XKR4: variants seen among roughly 807,000 people sequenced by gnomAD.
The protein encoded by XKR4 is XK-related protein 4.
XKR4 carries 12 observed loss-of-function variants against 53.9 expected under a neutral mutation model. That is an observed-to-expected ratio of 0.22 (90% confidence interval 0.14 to 0.36). The LOEUF (loss-of-function observed/expected upper bound fraction) is 0.36. XKR4 is among the 10% of genes least tolerant of loss of function. The pLI is 1.00. For synonymous variants in XKR4, 354 were observed against 362.4 expected (o/e 0.98, Z 0.26); for missense variants, 799 against 859.5 (o/e 0.93, Z 0.88).
chr8:55,113,651 G>A (rs980150725), intron 1 of XKR4, among the ~76,000 whole-genome samples: 1 of 152,142 alleles, frequency 6.6e-6, no homozygotes, highest in Non-Finnish European at 1.5e-5. Flanking sequence ...GGTGAAGTCT[G>A]GGCTTTTAGT....
chr8:55,299,416 G>A (rs1368489991), intron 1 of XKR4, among the ~76,000 whole-genome samples: 1 of 152,202 alleles, frequency 6.6e-6, no homozygotes, highest in Non-Finnish European at 1.5e-5. Flanking sequence ...AGGCAGGCCA[G>A]CCAGGGTCAG....
intron 2 of XKR4, among the ~76,000 whole-genome samples, chr8:55,456,222 G>A (rs1371070389): frequency 6.6e-6 from 1 of 152,070 alleles, no homozygotes; most frequent in African/African-American, 2.4e-5. Context: ...ACCTGAGGTA[G>A]GGATTTCGAG....
intron 2 of XKR4, among the ~76,000 whole-genome samples, chr8:55,384,249 G>C (rs1168153048): frequency 1.3e-5 from 2 of 152,210 alleles, no homozygotes; most frequent in Non-Finnish European, 2.9e-5. Flanking sequence ...GTTGGAGTCG[G>C]GTCTTCCTTC....
intron 1 of XKR4, among the ~76,000 whole-genome samples, chr8:55,318,502 C>T (rs1273881335): frequency 9.2e-5 from 14 of 152,112 alleles, no homozygotes; most frequent in Non-Finnish European, 5.9e-5. Context: ...CAAACTCGAC[C>T]AAACCAAAGT....
chr8:55,391,300 T>G (rs1193944127), intron 2 of XKR4, among the ~76,000 whole-genome samples: 4 of 152,154 alleles, frequency 2.6e-5, no homozygotes, highest in African/African-American at 7.2e-5. Flanking sequence ...TGAAGTGATA[T>G]TTACACAAGT....
intron 2 of XKR4, among the ~76,000 whole-genome samples, chr8:55,477,549 G>A (rs1390543269): frequency 2.0e-5 from 3 of 152,180 alleles, no homozygotes; most frequent in African/African-American, 7.2e-5. Context: ...GAACAAAGCT[G>A]GACGGAGAAT....
rs1457328974 is a variant in XKR4, at chr8:55,536,511, T to C, written c.*12284T>C. ...AGTGGTAAATTTGGTCTTCATGATA[T>C]CAAACATACGGATATTTGGAAAAGT... On this transcript the variant is annotated 3_prime_UTR_variant, in exon 3 of 3. Transcript: ENST00000327381. 1 of 152,224 alleles carries C rather than the reference T, an allele frequency of 6.6e-6. No individual in the cohort carries two copies. Among genetic ancestry groups the C allele is most frequent in the African/African-American group, 2.4e-5 (1 of 41,458 alleles). 9.4% of individuals were successfully genotyped at this position (152,224 alleles called of 1,614,324 possible). A position where few individuals can be genotyped will look rare whatever the true frequency, so the allele number is the denominator to read the frequency against.
At position 55,337,034 on chromosome 8, in the gene XKR4, C is replaced by T. The variant is rs556572650; in HGVS notation, c.807-20644C>T. On this transcript the variant is annotated intron_variant, in intron 1 of 2. Coordinates refer to ENST00000327381, the MANE Select transcript of XKR4 (RefSeq NM_052898.2). ...TTAGGAATACTTACTTTAAATATTA[C>T]GCTTTATATTTGGGTCTGAAACATT... Among the ~76,000 whole-genome samples the T allele has an allele frequency of 8.5e-5, 13 of 152,212 alleles. 1 individual carries two copies. The South Asian group carries it at 1.7e-3, about 19-fold the overall frequency.
At chr8:55,478,793 G>A (rs1417650933) in intron 2 of XKR4, among the ~76,000 whole-genome samples, 4 of 152,074 alleles carry the variant, frequency 2.6e-5, no homozygotes, top group African/African-American at 7.3e-5. Flanking sequence ...GAGATCAAAA[G>A]AGACAAAGAA....
chr8:55,452,936 C>G (rs1016140996), intron 2 of XKR4: 9 of 787,832 alleles, frequency 1.1e-5, no homozygotes, highest in Non-Finnish European at 2.0e-5. Context: ...TGCTCTCCTC[C>G]TTCTGCATCA....
At chr8:55,114,117 A>T (rs911152103) in intron 1 of XKR4, among the ~76,000 whole-genome samples, 1 of 152,120 alleles carries the variant, frequency 6.6e-6, no homozygotes, top group Non-Finnish European at 1.5e-5. Context: ...ATCAAATGGT[A>T]GTTCTATTTT....
intron 1 of XKR4, among the ~76,000 whole-genome samples, chr8:55,143,080 C>A (rs1022078460): frequency 6.6e-6 from 1 of 152,168 alleles, no homozygotes; most frequent in Non-Finnish European, 1.5e-5. Flanking sequence ...GAGACACATT[C>A]CTGTTGTACG....
At chr8:55,155,753 G>A (rs1291456404) in intron 1 of XKR4, among the ~76,000 whole-genome samples, 1 of 152,052 alleles carries the variant, frequency 6.6e-6, no homozygotes, top group Non-Finnish European at 1.5e-5. Context: ...AGAATATCGG[G>A]GACAAAGACT....
intron 1 of XKR4, among the ~76,000 whole-genome samples, chr8:55,356,602 A>G (rs991250227): frequency 6.8e-6 from 1 of 146,454 alleles, no homozygotes; most frequent in Admixed American, 6.9e-5. Flanking sequence ...CTATATTTGT[A>G]AATGTGATCA....
chr8:55,435,572 AT>A (rs111621836), intron 2 of XKR4, among the ~76,000 whole-genome samples: 14 of 138,922 alleles, frequency 1.0e-4, no homozygotes, highest in South Asian at 6.9e-4. Flanking sequence ...TTATTTTTTT[AT>A]TTTTTTTTAA....
At chr8:55,180,078 T>C (rs1409862054) in intron 1 of XKR4, among the ~76,000 whole-genome samples, 1 of 152,242 alleles carries the variant, frequency 6.6e-6, no homozygotes, top group African/African-American at 2.4e-5. Context: ...TGTCAACACA[T>C]GGATTATAAA....
chr8:55,332,836 T>G (rs748279947), intron 1 of XKR4, among the ~76,000 whole-genome samples: 2 of 152,040 alleles, frequency 1.3e-5, no homozygotes, highest in Non-Finnish European at 2.9e-5. Flanking sequence ...TTTCATTTTT[T>G]TTTTTACTGG....
At chr8:55,438,588 T>TC (rs377388379) in intron 2 of XKR4, among the ~76,000 whole-genome samples, 1 of 114,252 alleles carries the variant, frequency 8.8e-6, no homozygotes. Context: ...AGACTCCATC[T>TC]TGAAAAAAAA....
intron 2 of XKR4, among the ~76,000 whole-genome samples, chr8:55,504,578 T>C (rs1200924769): frequency 6.6e-6 from 1 of 152,110 alleles, no homozygotes; most frequent in African/African-American, 2.4e-5. Flanking sequence ...TTGAATGAAG[T>C]AGGAATTGTT....
Sources: allele counts gnomAD v4.1 joint callset (sites outside exome capture counted in the v4.1 genomes callset), GRCh38; gene constraint gnomAD v4.1.1; transcripts MANE v1.5; gene names NCBI Gene and HGNC (gene_info 2026-07-23, HGNC 2026-07-21).